The following COL5A1 variants were observed in gnomAD, a reference collection of about 807,000 sequenced individuals.
The protein encoded by COL5A1 is collagen type V alpha 1 chain.
Under a neutral mutation model 263.7 loss-of-function variants are expected in COL5A1, and 16 were observed. The ratio of observed to expected loss-of-function variants is 0.06; its 90% confidence interval spans 0.04 to 0.09. COL5A1 has a LOEUF of 0.09. Ranked by LOEUF, COL5A1 falls within the 10% of genes least tolerant of loss-of-function variation. The pLI, the probability that COL5A1 is intolerant of heterozygous loss-of-function variation, is 1.00. For missense variants in COL5A1, 2,036 were observed against 2,540.5 expected (o/e 0.80, Z 4.27); for synonymous variants, 1,012 against 1,004.5 (o/e 1.01, Z -0.14).
chr9:134,732,232 C>T (rs1351536002), intron 9 of COL5A1, 105 bp downstream of exon 9: 27 of 1,194,100 alleles, frequency 2.3e-5, no homozygotes, highest in South Asian at 7.3e-5. Context: ...TGCACCTGCG[C>T]GCACTGGGTC....
Position 134,822,092 on chromosome 9 carries a change from T to C in COL5A1, c.4555-5T>C. 1 of 1,613,924 alleles carries C rather than the reference T, an allele frequency of 6.2e-7. No homozygotes were observed. The highest frequency in any genetic ancestry group is 8.5e-7 in the Non-Finnish European group (1 of 1,179,876). On this transcript the variant is annotated splice_region_variant and splice_polypyrimidine_tract_variant and intron_variant, in intron 58 of 65. Transcript: ENST00000371817. The stretch of plus-strand genomic sequence containing the variant: ...TGATAACCTGCATTTTCTGGTCCTT[T>C]TCAGGGTATCACTGGTCCTTCTGGC...
intron 13 of COL5A1, among the ~76,000 whole-genome samples, chr9:134,751,798 G>A (rs1835789932): frequency 6.6e-6 from 1 of 152,186 alleles, no homozygotes; most frequent in African/African-American, 2.4e-5. Flanking sequence ...GTAATTACAG[G>A]ACAGTGTAAG....
intron 1 of COL5A1, among the ~76,000 whole-genome samples, chr9:134,684,546 G>C (rs1020831652): frequency 6.6e-6 from 1 of 152,240 alleles, no homozygotes. Flanking sequence ...TGCTGGTCCA[G>C]GCCAGGAGCA....
chr9:134,695,700 G>C (rs572937126), intron 2 of COL5A1, among the ~76,000 whole-genome samples: 12 of 152,320 alleles, frequency 7.9e-5, no homozygotes, highest in African/African-American at 2.9e-4. Flanking sequence ...TACCTGGTGA[G>C]ACTGGAGACC....
chr9:134,835,295 C>T (rs1194694243), intron 65 of COL5A1, 91 bp downstream of exon 65: 11 of 1,206,374 alleles, frequency 9.1e-6, no homozygotes, highest in Non-Finnish European at 1.3e-5. Context: ...CCCCAAGATG[C>T]CTGCCAGAGG....
In COL5A1 at chr9:134,810,253, A is replaced by G; in HGVS notation, c.3475-2A>G. ...AACCGAATCCCCCACACCTTCCCCTAGGGAGAGATCGGGGAGCCGGGGCAG... is the reference window on the plus strand; with the variant it reads ...AACCGAATCCCCCACACCTTCCCCTGGGGAGAGATCGGGGAGCCGGGGCAG... On this transcript the variant is annotated splice_acceptor_variant, in intron 43 of 65. Transcript: ENST00000371817. LOFTEE classifies it high-confidence loss of function. 6.2e-7 allele frequency: 1 copy of G among 1,614,086 alleles called. No individual in the cohort carries two copies. Among genetic ancestry groups the G allele is most frequent in the Non-Finnish European group, 8.5e-7 (1 of 1,179,910 alleles).
intron 11 of COL5A1, among the ~76,000 whole-genome samples, chr9:134,745,538 G>C (rs929669333): frequency 1.1e-4 from 16 of 152,170 alleles, no homozygotes; most frequent in African/African-American, 3.9e-4. Context: ...TTTTCTGGTT[G>C]TTAGTTCTGG....
chr9:134,698,212 C>T (rs1049617734), intron 2 of COL5A1, among the ~76,000 whole-genome samples: 1 of 152,274 alleles, frequency 6.6e-6, no homozygotes, highest in Non-Finnish European at 1.5e-5. Context: ...ATCACCCCCA[C>T]CTGGGGCTGT....
intron 6 of COL5A1, among the ~76,000 whole-genome samples, chr9:134,729,038 G>C (rs1434672350): frequency 1.3e-5 from 2 of 152,240 alleles, no homozygotes; most frequent in Non-Finnish European, 2.9e-5. Context: ...GTATACAGGG[G>C]AGCATCTGCC....
In COL5A1 at chr9:134,716,921, G is replaced by A. The variant is rs950760849; in HGVS notation, c.655-10345G>A. Among the ~76,000 whole-genome samples the A allele has an allele frequency of 3.3e-5, 5 of 152,180 alleles. No individual in the cohort carries two copies. The highest frequency in any genetic ancestry group is 6.5e-5 in the Admixed American group (1 of 15,270). The stretch of plus-strand genomic sequence containing the variant: ...GAGCGAGGACATGGCGGGGACAGCA[G>A]AAAGCAATTTCCGACGACATGAAAA... On this transcript the variant is annotated intron_variant, in intron 4 of 65. Transcript: ENST00000371817. The surrounding 1 kb of genome is among the most constrained non-coding windows in gnomAD (Gnocchi z 4.5).
Position 134,794,137 on chromosome 9 carries a change from C to T in COL5A1, c.2701-945C>T, listed in dbSNP as rs1321979877. On this transcript the variant is annotated intron_variant, in intron 32 of 65. Coordinates refer to ENST00000371817, the MANE Select transcript of COL5A1 (RefSeq NM_000093.5). The surrounding 1 kb of genome is among the most constrained non-coding windows in gnomAD (Gnocchi z 4.3). ...GGTCAAGAGATCGAGACCATCCTTG[C>T]CAACATGGTGAAACCCTGTCTCTAC... Among the ~76,000 whole-genome samples the T allele has an allele frequency of 1.3e-5, 2 of 152,210 alleles. No individual in the cohort carries two copies. Among genetic ancestry groups the T allele is most frequent in the East Asian group, 3.9e-4 (2 of 5,180 alleles).
Position 134,705,956 on chromosome 9 carries a change from C to T in COL5A1, c.654+4623C>T, listed in dbSNP as rs531457059. ...CCCAGCTAGGGCGAGTGCTCCGGGG[C>T]GCCTCCTGCCCGTACCTGCACCTGC... On this transcript the variant is annotated intron_variant, in intron 4 of 65. Transcript: ENST00000371817. 3.9e-5 allele frequency among the ~76,000 whole-genome samples: 6 copies of T among 152,342 alleles called. No individual in the cohort carries two copies. In the South Asian group the frequency reaches 8.3e-4, roughly 21 times the overall value.
chr9:134,830,252 C>G, intron 64 of COL5A1: 2 of 1,403,406 alleles, frequency 1.4e-6, no homozygotes, highest in Non-Finnish European at 2.0e-6. Flanking sequence ...CTGCATGGCA[C>G]CCATCGCTGC....
intron 44 of COL5A1, among the ~76,000 whole-genome samples, chr9:134,811,028 A>G (rs1361831178): frequency 6.6e-6 from 1 of 152,118 alleles, no homozygotes; most frequent in Non-Finnish European, 1.5e-5. Context: ...CTGGACCCTC[A>G]CTGTTGAAGG....
At position 134,682,894 on chromosome 9, in the gene COL5A1, C is replaced by CTT. The variant is rs1263973979; in HGVS notation, c.110-8017_110-8016dup. On this transcript the variant is annotated intron_variant, in intron 1 of 65. Coordinates refer to ENST00000371817, the MANE Select transcript of COL5A1 (RefSeq NM_000093.5). The surrounding 1 kb of genome is among the most constrained non-coding windows in gnomAD (Gnocchi z 5.1). ...ATCCGGTGGGGACAGACAGCCTGGG[C>CTT]TTCAAAGGCAGCCGACCCATAGCCA... 1.3e-5 allele frequency among the ~76,000 whole-genome samples: 2 copies of CTT among 152,268 alleles called. No homozygotes were observed. Among genetic ancestry groups the CTT allele is most frequent in the East Asian group, 3.9e-4 (2 of 5,176 alleles).
In COL5A1 at chr9:134,739,709, C is replaced by T. The variant is rs558951337; in HGVS notation, c.1494+901C>T. Among the ~76,000 whole-genome samples, 7 of 152,208 alleles carry T rather than the reference C, an allele frequency of 4.6e-5. No individual in the cohort carries two copies. The East Asian group carries it at 7.8e-4, about 17-fold the overall frequency. ...AGTGCTCAGGAAAGGCGGGCCAGGG[C>T]GCAGGACAGTAAGTCCTGGCCTTGG... On this transcript the variant is annotated intron_variant, in intron 11 of 65. Coordinates refer to ENST00000371817, the MANE Select transcript of COL5A1 (RefSeq NM_000093.5).
rs920601100 is a variant in COL5A1 at position 134,757,294 on chromosome 9, C to T, written c.1881+476C>T. On this transcript the variant is annotated intron_variant, in intron 17 of 65. Transcript: ENST00000371817. The surrounding 1 kb of genome is among the most constrained non-coding windows in gnomAD (Gnocchi z 6.2). ...TGTTGCTGTCGCCACTCATGCCTGCCCGCTGCTGTGCTCAGTGTATCCACC... is the reference window on the plus strand; with the variant it reads ...TGTTGCTGTCGCCACTCATGCCTGCTCGCTGCTGTGCTCAGTGTATCCACC... Among the ~76,000 whole-genome samples the T allele has an allele frequency of 6.6e-6, 1 of 152,164 alleles. No homozygotes were observed. Among genetic ancestry groups the T allele is most frequent in the East Asian group, 1.9e-4 (1 of 5,182 alleles).
chr9:134,738,262 C>T lies in COL5A1; in HGVS notation c.1390-212C>T, dbSNP rs144495044. 9.5e-3 allele frequency among the ~76,000 whole-genome samples: 1,446 copies of T among 152,302 alleles called. 14 individuals carry two copies. Among genetic ancestry groups the T allele is most frequent in the Middle Eastern group, 0.02 (6 of 294 alleles). ...CTGTGTCTGTCACTGGCCGCTGGCC[C>T]GGGTTGCTCTTCTGCCAGCGAGTGC... On this transcript the variant is annotated intron_variant, in intron 9 of 65. Coordinates refer to ENST00000371817, the MANE Select transcript of COL5A1 (RefSeq NM_000093.5).
At chr9:134,661,832 C>T (rs1219203655) in intron 1 of COL5A1, among the ~76,000 whole-genome samples, 2 of 152,318 alleles carry the variant, frequency 1.3e-5, no homozygotes, top group African/African-American at 4.8e-5. Context: ...CAGTGCCAAC[C>T]TCGCTGTTCC....
Sources: gnomAD v4.1 joint callset for allele counts (sites outside exome capture counted in the v4.1 genomes callset) on GRCh38, gnomAD v4.1.1 for gene constraint, Gnocchi (gnomAD v3.1) non-coding constraint, MANE v1.5 for transcripts, NCBI Gene and HGNC (gene_info 2026-07-23, HGNC 2026-07-21) for gene names.